SPON1: variants seen among roughly 807,000 people sequenced by gnomAD.
SPON1 encodes spondin-1.
SPON1 carries 52 observed loss-of-function variants against 111.7 expected under a neutral mutation model. That is an observed-to-expected ratio of 0.47 (90% CI 0.37 to 0.59). The LOEUF is 0.59. SPON1 is among the 20% of genes least tolerant of loss of function. SPON1 has a pLI of 0.00. For synonymous variants in SPON1, 410 were observed against 395.8 expected (o/e 1.04, Z -0.43); for missense variants, 957 against 1,068.5 (o/e 0.90, Z 1.46).
intron 6 of SPON1, among the ~76,000 whole-genome samples, chr11:14,180,593 G>A (rs879973563): frequency 5.3e-5 from 8 of 152,028 alleles, no homozygotes; most frequent in Non-Finnish European, 8.8e-5. Context: ...GACTTCTATC[G>A]CACCCTGTTT....
chr11:14,190,026 T>C (rs1038819723), intron 6 of SPON1, among the ~76,000 whole-genome samples: 2 of 152,240 alleles, frequency 1.3e-5, no homozygotes, highest in South Asian at 2.1e-4. Flanking sequence ...TATAATTATA[T>C]GCATTGTGCA....
intron 5 of SPON1, among the ~76,000 whole-genome samples, chr11:14,113,568 A>ATTTTTTTTT (rs782780924): frequency 2.7e-4 from 20 of 74,746 alleles, no homozygotes; most frequent in Non-Finnish European, 5.0e-4. Flanking sequence ...TACTTTTTAA[A>ATTTTTTTTT]TTTTTTTTTT....
chr11:14,231,534 C>A (rs887418105), intron 6 of SPON1, among the ~76,000 whole-genome samples: 38 of 152,192 alleles, frequency 2.5e-4, no homozygotes, highest in Middle Eastern at 3.4e-3. Flanking sequence ...TTGCTTGCTC[C>A]CTGGTTACCT....
intron 4 of SPON1, among the ~76,000 whole-genome samples, chr11:14,079,615 C>A (rs1848945010): frequency 2.0e-5 from 3 of 152,110 alleles, no homozygotes; most frequent in African/African-American, 7.2e-5. Context: ...TCAACATAGC[C>A]CCCATCTTAA....
At position 14,165,561 on chromosome 11, in the gene SPON1, C is replaced by T. The variant is rs151260547; in HGVS notation, c.825+29993C>T. On this transcript the variant is annotated intron_variant, in intron 6 of 15. Coordinates refer to ENST00000576479, the MANE Select transcript of SPON1 (RefSeq NM_006108.4). ...GACCAGCCTACTATAAGGTAAATAA[C>T]GAGTCCGAGGATGAGGAGTACAATT... Among the ~76,000 whole-genome samples the T allele has an allele frequency of 5.3e-3, 810 of 152,200 alleles. 4 individuals are homozygous for T. Among genetic ancestry groups the T allele is most frequent in the African/African-American group, 0.018 (765 of 41,518 alleles).
At position 14,267,967 on chromosome 11, in the gene SPON1, A is replaced by G. The variant is rs1393744178; in HGVS notation, c.*2280A>G. 6.6e-6 allele frequency: 1 copy of G among 152,174 alleles called. No homozygotes were observed. The highest frequency in any genetic ancestry group is 1.5e-5 in the Non-Finnish European group (1 of 68,036). The allele number at this position is 152,174 out of a possible 1,614,324, so 9.4% of individuals were successfully genotyped here. ...TTTACATCCACATTTTAGGTCCAAC[A>G]GCAAGAAGTTCAGAGAGAGATTTCC... On this transcript the variant is annotated 3_prime_UTR_variant, in exon 16 of 16. Transcript: ENST00000576479.
At chr11:14,010,957 G>A (rs1358371513) in intron 2 of SPON1, among the ~76,000 whole-genome samples, 2 of 152,218 alleles carry the variant, frequency 1.3e-5, no homozygotes, top group Non-Finnish European at 2.9e-5. Flanking sequence ...TAGGATCATA[G>A]CTTTAGGAAA....
At chr11:13,983,492 A>C (rs1421383046) in intron 2 of SPON1, among the ~76,000 whole-genome samples, 1 of 152,222 alleles carries the variant, frequency 6.6e-6, no homozygotes, top group Non-Finnish European at 1.5e-5. Flanking sequence ...CTCACAGAAC[A>C]ACCTCCTCAA....
chr11:14,250,433 G>T (rs1849041137), intron 7 of SPON1, among the ~76,000 whole-genome samples: 1 of 148,652 alleles, frequency 6.7e-6, no homozygotes. Flanking sequence ...AGTTAACTTA[G>T]CCCAACCCCA....
chr11:14,245,500 A>C (rs76740957), intron 7 of SPON1, among the ~76,000 whole-genome samples: 1,587 of 152,278 alleles, frequency 0.01, 35 homozygotes, highest in African/African-American at 0.036. Flanking sequence ...GATAAATGTT[A>C]GGGTGAGGAA....
At chr11:13,968,639 A>G (rs1328528138) in intron 1 of SPON1, among the ~76,000 whole-genome samples, 8 of 152,332 alleles carry the variant, frequency 5.3e-5, no homozygotes, top group African/African-American at 1.7e-4. Context: ...TATTTCTACT[A>G]AACAGCACTG....
intron 2 of SPON1, among the ~76,000 whole-genome samples, chr11:14,034,130 A>G (rs1848577722): frequency 6.6e-6 from 1 of 152,214 alleles, no homozygotes; most frequent in African/African-American, 2.4e-5. Flanking sequence ...TGGGCAACAT[A>G]GTAAGATCCT....
intron 6 of SPON1, among the ~76,000 whole-genome samples, chr11:14,152,319 C>T (rs1847797686): frequency 6.6e-6 from 1 of 152,198 alleles, no homozygotes; most frequent in South Asian, 2.1e-4. Context: ...CCAACAGACT[C>T]CAGTTACAGT....
chr11:14,005,509 T>C (rs1363993376), intron 2 of SPON1, among the ~76,000 whole-genome samples: 1 of 152,226 alleles, frequency 6.6e-6, no homozygotes, highest in African/African-American at 2.4e-5. Flanking sequence ...CGTTGAGATT[T>C]GTGGCCCACT....
At chr11:14,029,605 C>T (rs1469177556) in intron 2 of SPON1, among the ~76,000 whole-genome samples, 1 of 152,258 alleles carries the variant, frequency 6.6e-6, no homozygotes, top group African/African-American at 2.4e-5. Context: ...CACATAGCAA[C>T]GGGAGAGGCC....
chr11:13,996,252 T>C (rs1159649401), intron 2 of SPON1, among the ~76,000 whole-genome samples: 3 of 152,154 alleles, frequency 2.0e-5, no homozygotes, highest in Non-Finnish European at 4.4e-5. Context: ...TGGTGTAAAA[T>C]GCCTCTGCAG....
chr11:14,020,717 G>A (rs922583243), intron 2 of SPON1, among the ~76,000 whole-genome samples: 1 of 152,152 alleles, frequency 6.6e-6, no homozygotes, highest in Non-Finnish European at 1.5e-5. Flanking sequence ...ATAAATGGTA[G>A]TACATCTTGG....
chr11:14,205,823 C>A (rs549710962), intron 6 of SPON1, among the ~76,000 whole-genome samples: 2 of 152,306 alleles, frequency 1.3e-5, no homozygotes, highest in African/African-American at 2.4e-5. Flanking sequence ...GGGTCTCACA[C>A]CTTTTGCTTC....
At chr11:14,102,595 T>C (rs1183053252) in intron 5 of SPON1, among the ~76,000 whole-genome samples, 2 of 152,162 alleles carry the variant, frequency 1.3e-5, no homozygotes, top group Non-Finnish European at 2.9e-5. Context: ...CAAGATCCAG[T>C]CTAAGATTAT....
Sources: allele counts gnomAD v4.1 joint callset (sites outside exome capture counted in the v4.1 genomes callset), GRCh38; gene constraint gnomAD v4.1.1; transcripts MANE v1.5; gene names NCBI Gene and HGNC (gene_info 2026-07-23, HGNC 2026-07-21).